Variants in FARS2 observed in about 807,000 individuals in gnomAD.
The protein encoded by FARS2 is phenylalanyl-tRNA synthetase 2, mitochondrial.
In FARS2, 40 loss-of-function variants were observed where a neutral mutation model predicts 46.4. The observed-to-expected ratio is 0.86, with a 90% CI of 0.67 to 1.12. The LOEUF is 1.12. Among genes scored for constraint, FARS2 ranks in the 50% most tolerant of loss-of-function variants. FARS2 has a pLI of 0.00. For missense variants in FARS2, 513 were observed against 567.9 expected (o/e 0.90, Z 0.98); for synonymous variants, 234 against 214.9 (o/e 1.09, Z -0.78).
At chr6:5,360,449 A>T (rs1351934177) in intron 1 of FARS2, among the ~76,000 whole-genome samples, 1 of 152,202 alleles carries the variant, frequency 6.6e-6, no homozygotes, top group East Asian at 1.9e-4. Flanking sequence ...TGCCTGGGTC[A>T]TTTGGCATGA....
intron 5 of FARS2, among the ~76,000 whole-genome samples, chr6:5,563,817 G>T (rs1479470971): frequency 6.6e-6 from 1 of 152,138 alleles, no homozygotes; most frequent in East Asian, 1.9e-4. Context: ...TAATAAAGGG[G>T]TTAACCAATT....
chr6:5,377,803 C>T (rs1205012924), intron 2 of FARS2, among the ~76,000 whole-genome samples: 1 of 152,046 alleles, frequency 6.6e-6, no homozygotes, highest in Non-Finnish European at 1.5e-5. Context: ...TGTTAAAATG[C>T]AATTTCTCTT....
At chr6:5,686,760 C>A (rs1757262627) in intron 6 of FARS2, among the ~76,000 whole-genome samples, 1 of 152,192 alleles carries the variant, frequency 6.6e-6, no homozygotes, top group Admixed American at 6.5e-5. Flanking sequence ...AGTTCTAGAT[C>A]CCTGAGGAAT....
intron 6 of FARS2, among the ~76,000 whole-genome samples, chr6:5,734,603 C>A (rs1324773806): frequency 1.3e-5 from 2 of 152,152 alleles, no homozygotes; most frequent in African/African-American, 4.8e-5. Flanking sequence ...ACGTACATAG[C>A]ACTTAACATA....
At chr6:5,556,656 T>C (rs1561710602) in intron 5 of FARS2, among the ~76,000 whole-genome samples, 1 of 144,770 alleles carries the variant, frequency 6.9e-6, no homozygotes, top group Non-Finnish European at 1.5e-5. Flanking sequence ...TCCATATTTC[T>C]TTCTTGTTTA....
chr6:5,761,582 A>G (rs2150978641), intron 6 of FARS2, among the ~76,000 whole-genome samples: 1 of 152,348 alleles, frequency 6.6e-6, no homozygotes, highest in African/African-American at 2.4e-5. Flanking sequence ...ACAGAGTTAA[A>G]GTTAGCTCTG....
chr6:5,310,576 G>C (rs574365457), intron 1 of FARS2, among the ~76,000 whole-genome samples: 1 of 152,058 alleles, frequency 6.6e-6, no homozygotes, highest in Non-Finnish European at 1.5e-5. Context: ...GTGTGTGTGC[G>C]TGTGAATTGG....
At chr6:5,260,073 C>T (rs1170316514), upstream of FARS2, among the ~76,000 whole-genome samples, 2 of 152,220 alleles carry the variant, frequency 1.3e-5, no homozygotes, top group Non-Finnish European at 2.9e-5. Context: ...CCAGGAGAAA[C>T]TGAGGTTTCA....
At chr6:5,680,139 C>A (rs569383968) in intron 6 of FARS2, among the ~76,000 whole-genome samples, 120 of 152,314 alleles carry the variant, frequency 7.9e-4, no homozygotes, top group Admixed American at 2.7e-3. Flanking sequence ...AGCTCTGATG[C>A]TGTTAGGGTC....
chr6:5,257,613 C>T (rs1203708473), upstream of FARS2, among the ~76,000 whole-genome samples: 1 of 152,190 alleles, frequency 6.6e-6, no homozygotes, highest in Non-Finnish European at 1.5e-5. Flanking sequence ...GCATTATGGC[C>T]TGAGCTCCAT....
At chr6:5,278,878 G>A (rs1766520006) in intron 1 of FARS2, among the ~76,000 whole-genome samples, 1 of 152,218 alleles carries the variant, frequency 6.6e-6, no homozygotes, top group Non-Finnish European at 1.5e-5. Context: ...CCACTAAGTA[G>A]AGAGGAGGAT....
intron 4 of FARS2, chr6:5,466,967 AG>A: frequency 1.0e-6 from 1 of 985,408 alleles, no homozygotes; most frequent in Non-Finnish European, 1.2e-6. Context: ...GAATGATAAG[AG>A]GCACATATTC....
chr6:5,328,048 TAA>T (rs997893230), intron 1 of FARS2, among the ~76,000 whole-genome samples: 2 of 152,208 alleles, frequency 1.3e-5, no homozygotes, highest in African/African-American at 4.8e-5. Flanking sequence ...TGTCAAACAG[TAA>T]AAGAGTACCT....
At chr6:5,450,684 GTGGGAGGTAGTGTGC>G (rs755663045) in intron 4 of FARS2, among the ~76,000 whole-genome samples, 1 of 69,468 alleles carries the variant, frequency 1.4e-5, no homozygotes, top group East Asian at 1.3e-3. Flanking sequence ...GACTTGGCGT[GTGGGAGGTAGTGTGC>G]CGCCTGTTAG....
chr6:5,588,569 G>A lies in FARS2; in HGVS notation c.1066-24600G>A, dbSNP rs972591769. Among the ~76,000 whole-genome samples, 48 of 152,070 alleles carry A rather than the reference G, an allele frequency of 3.2e-4. 1 individual carries two copies. ...CCCCTGCCAGCTTGCTCACCTTTTCGCTTTTCTTTGACCTCTGCCCTTTTC... is the reference window on the plus strand; with the variant it reads ...CCCCTGCCAGCTTGCTCACCTTTTCACTTTTCTTTGACCTCTGCCCTTTTC... On this transcript the variant is annotated intron_variant, in intron 5 of 6. Transcript: ENST00000274680.
intron 6 of FARS2, among the ~76,000 whole-genome samples, chr6:5,760,891 A>G (rs901947373): frequency 1.3e-5 from 2 of 152,216 alleles, no homozygotes; most frequent in African/African-American, 2.4e-5. Flanking sequence ...TTGTGGACAT[A>G]CCATGGCCAA....
intron 6 of FARS2, among the ~76,000 whole-genome samples, chr6:5,646,259 A>G (rs1372163289): frequency 6.6e-6 from 1 of 152,202 alleles, no homozygotes; most frequent in Non-Finnish European, 1.5e-5. Flanking sequence ...GAGTATATCT[A>G]ATGCTGCTCT....
rs76149093 is a variant in FARS2 at position 5,740,314 on chromosome 6, G to A, written c.1218-30977G>A. On this transcript the variant is annotated intron_variant, in intron 6 of 6. Transcript: ENST00000274680. ...TTGCTTAAAAGTAAGGAAACTATTC[G>A]AAATAAGTTTTTTGGGAACCTCATT... is the stretch of plus-strand genomic sequence containing the variant. 2.4e-3 allele frequency among the ~76,000 whole-genome samples: 362 copies of A among 152,244 alleles called. 1 individual carries two copies. Among genetic ancestry groups the A allele is most frequent in the African/African-American group, 8.4e-3 (349 of 41,556 alleles).
chr6:5,536,546 A>T lies in FARS2; in HGVS notation c.905-8634A>T, dbSNP rs1055809274. ...AAGAATGCAGAATATTAATATGTTG[A>T]TACTCTAATCCCTTTACATTCTCAT... On this transcript the variant is annotated intron_variant, in intron 4 of 6. Transcript: ENST00000274680. Among the ~76,000 whole-genome samples the T allele has an allele frequency of 2.6e-5, 4 of 152,316 alleles. No homozygotes were observed. The East Asian group carries it at 7.7e-4, about 29-fold the overall frequency.
Sources: allele counts gnomAD v4.1 joint callset (sites outside exome capture counted in the v4.1 genomes callset), GRCh38; gene constraint gnomAD v4.1.1; transcripts MANE v1.5; gene names NCBI Gene and HGNC (gene_info 2026-07-23, HGNC 2026-07-21).